Variants in HP1BP3 observed in about 807,000 individuals in gnomAD.
HP1BP3 encodes the protein heterochromatin protein 1 binding protein 3.
A neutral mutation model predicts 62.5 loss-of-function variants in HP1BP3; 12 were observed. That is an observed-to-expected ratio of 0.19 (90% CI 0.12 to 0.31). The LOEUF (loss-of-function observed/expected upper bound fraction) is 0.31, where lower values mean the gene tolerates loss of function less well. Among genes scored for constraint, HP1BP3 ranks in the 10% least tolerant of loss-of-function variants. HP1BP3 has a pLI of 1.00. For synonymous variants in HP1BP3, 260 were observed against 237.8 expected (o/e 1.09, Z -0.86); for missense variants, 502 against 651.8 (o/e 0.77, Z 2.50).
chr1:20,749,922 C>A, intron 9 of HP1BP3, 40 bp from the exon 10 acceptor site: 1 of 1,595,716 alleles, frequency 6.3e-7, no homozygotes, highest in Non-Finnish European at 8.5e-7. Flanking sequence ...CAAGACAACA[C>A]TCTCCCAAAG....
chr1:20,750,105 C>G, intron 9 of HP1BP3: 1 of 784,330 alleles, frequency 1.3e-6, no homozygotes, highest in Non-Finnish European at 1.8e-6. Flanking sequence ...CATCTACCCT[C>G]CATCCACCCT....
rs1557625493 is a variant in HP1BP3 at position 20,741,963 on chromosome 1, C to T, written c.*2834G>A. Among the ~76,000 whole-genome samples the T allele has an allele frequency of 6.6e-6, 1 of 152,206 alleles. No individual in the cohort carries two copies. Among genetic ancestry groups the T allele is most frequent in the Non-Finnish European group, 1.5e-5 (1 of 68,034 alleles). The stretch of plus-strand genomic sequence containing the variant: ...ATGTAAGTAAGGCGTATGTCTTTGA[C>T]AGTTGTGGATGTTCGTGGAAGAGTG... On this transcript the variant is annotated 3_prime_UTR_variant, in exon 13 of 13. Coordinates refer to ENST00000438032, the MANE Select transcript of HP1BP3 (RefSeq NM_001372052.1).
rs1553166483 is a variant in HP1BP3, at chr1:20,787,242, G to GCGCCGCTCCCGCCGCCGCTAGT, written c.-170_-149dup. On this transcript the variant is annotated 5_prime_UTR_variant, in exon 1 of 13. Coordinates refer to ENST00000438032, the MANE Select transcript of HP1BP3 (RefSeq NM_001372052.1). ...CGCCCGCGTCCCGCACGGCCTCTCG[G>GCGCCGCTCCCGCCGCCGCTAGT]CGCCGCTCCCGCCGCCGCTAGTCGC... The GCGCCGCTCCCGCCGCCGCTAGT allele has an allele frequency of 1.3e-5, 2 of 152,110 alleles. No individual in the cohort carries two copies. The highest frequency in any genetic ancestry group is 4.8e-5 in the African/African-American group (2 of 41,300). The allele number at this position is 152,110 out of a possible 1,614,324, so 9.4% of individuals were successfully genotyped here. A position where few individuals can be genotyped will look rare whatever the true frequency, so the allele number is the denominator to read the frequency against.
intron 3 of HP1BP3, 141 bp from the exon 4 acceptor site, chr1:20,776,891 T>C (rs1248422294): frequency 1.6e-6 from 1 of 632,136 alleles, no homozygotes; most frequent in Non-Finnish European, 2.5e-6. Flanking sequence ...GAATGACCAC[T>C]AATGCAGTTT....
At chr1:20,779,710 T>C in intron 3 of HP1BP3, 102 bp downstream of exon 3, 1 of 513,616 alleles carries the variant, frequency 1.9e-6, no homozygotes, top group Non-Finnish European at 3.2e-6. Flanking sequence ...CACTTAGCCA[T>C]GAAAAAAAAA....
rs2055200850 is a variant in HP1BP3 at position 20,744,781 on chromosome 1, T to C, written c.*16A>G. On this transcript the variant is annotated 3_prime_UTR_variant, in exon 13 of 13. Transcript: ENST00000438032. Reference sequence around the variant, plus strand: ...GATTTTGAATTTCATCATGATACCCTTTTTTCCTATAAAATTTACTTTTTC... The same window carrying C: ...GATTTTGAATTTCATCATGATACCCCTTTTTCCTATAAAATTTACTTTTTC... 2.5e-6 allele frequency: 4 copies of C among 1,582,572 alleles called. No individual in the cohort carries two copies. The highest frequency in any genetic ancestry group is 3.4e-6 in the Non-Finnish European group (4 of 1,166,462).
Position 20,779,888 on chromosome 1 carries a change from C to T in HP1BP3, c.120G>A (p.Pro40=), listed in dbSNP as rs1034248038. The change falls in exon 3 of 13, where the codon CCG becomes CCA. Residue 40 remains proline (P), a synonymous_variant. Coordinates refer to ENST00000438032, the MANE Select transcript of HP1BP3 (RefSeq NM_001372052.1). ...GGGTAGAATTCACAGTTCGACGAAT[C>T]GGCATGGTGCTATCTTCTACCTTCT... ...LGEKVEDSTM[P]IRRTVNSTRE... The T allele has an allele frequency of 1.8e-5, 29 of 1,613,096 alleles. No individual in the cohort carries two copies. Among genetic ancestry groups the T allele is most frequent in the African/African-American group, 2.7e-5 (2 of 74,856 alleles).
At chr1:20,756,069 T>C (rs1429340509) in intron 9 of HP1BP3, among the ~76,000 whole-genome samples, 4 of 152,208 alleles carry the variant, frequency 2.6e-5, no homozygotes, top group African/African-American at 4.8e-5. Flanking sequence ...TGGACTGTGA[T>C]AGTTGTACAA....
At chr1:20,770,383 G>T (rs893281400) in intron 6 of HP1BP3, among the ~76,000 whole-genome samples, 1 of 152,108 alleles carries the variant, frequency 6.6e-6, no homozygotes. Context: ...TGGTGAGATC[G>T]TAACTCACAA....
At chr1:20,772,316 C>T (rs955817228) in intron 5 of HP1BP3, among the ~76,000 whole-genome samples, 1 of 151,348 alleles carries the variant, frequency 6.6e-6, no homozygotes, top group African/African-American at 2.4e-5. Flanking sequence ...ATTCTTTAAG[C>T]CAAATTGATA....
intron 7 of HP1BP3, among the ~76,000 whole-genome samples, chr1:20,766,394 T>C (rs754718683): frequency 3.4e-4 from 52 of 152,080 alleles, no homozygotes; most frequent in Non-Finnish European, 7.2e-4. Flanking sequence ...ATAAAGTTCA[T>C]TTTGAAAGTG....
chr1:20,745,882 A>G (rs1217092848), intron 11 of HP1BP3, among the ~76,000 whole-genome samples: 1 of 152,190 alleles, frequency 6.6e-6, no homozygotes, highest in Non-Finnish European at 1.5e-5. Flanking sequence ...TATACCCACT[A>G]TTTAATAAAA....
chr1:20,752,302 T>G (rs1421515674), intron 9 of HP1BP3, among the ~76,000 whole-genome samples: 1 of 149,048 alleles, frequency 6.7e-6, no homozygotes, highest in African/African-American at 2.4e-5. Flanking sequence ...TTCACTGTCT[T>G]TTTTTTTTTG....
chr1:20,754,448 CA>C, intron 9 of HP1BP3, among the ~76,000 whole-genome samples: 1 of 150,770 alleles, frequency 6.6e-6, no homozygotes, highest in African/African-American at 2.4e-5. Context: ...CAATTCCTAC[CA>C]AAACTCCAGC....
chr1:20,784,548 G>C (rs2057729353), intron 1 of HP1BP3, among the ~76,000 whole-genome samples: 1 of 143,258 alleles, frequency 7.0e-6, no homozygotes. Flanking sequence ...GCGCGATCTC[G>C]GCTCACTGCA....
intron 9 of HP1BP3, 194 bp from the exon 10 acceptor site, chr1:20,750,076 T>A: frequency 8.9e-7 from 1 of 1,120,734 alleles, no homozygotes; most frequent in South Asian, 2.0e-5. Context: ...CCAACCCTCC[T>A]ATGGATATTT....
chr1:20,775,675 ATTATATTT>A, intron 4 of HP1BP3: 1 of 254,116 alleles, frequency 3.9e-6, no homozygotes, highest in South Asian at 1.6e-4. Flanking sequence ...TATCTTTTAT[ATTATATTT>A]TTACTGTACC....
Position 20,744,637 on chromosome 1 carries a change from T to C in HP1BP3, c.*160A>G. 1 of 662,544 alleles carries C rather than the reference T, an allele frequency of 1.5e-6. No homozygotes were observed. Among genetic ancestry groups the C allele is most frequent in the Non-Finnish European group, 2.5e-6 (1 of 398,076 alleles). The allele number at this position is 662,544 out of a possible 1,614,324, so 41.0% of individuals were successfully genotyped here. ...AGGCACCAATAAAAGCACCTAAAGC[T>C]AGCAAATGCCTAAACTGGTTTATTT... On this transcript the variant is annotated 3_prime_UTR_variant, in exon 13 of 13. Coordinates refer to ENST00000438032, the MANE Select transcript of HP1BP3 (RefSeq NM_001372052.1).
intron 8 of HP1BP3, among the ~76,000 whole-genome samples, chr1:20,762,151 G>C (rs1160634294): frequency 1.3e-5 from 2 of 152,096 alleles, no homozygotes; most frequent in Non-Finnish European, 2.9e-5. Flanking sequence ...TATATGAAAG[G>C]ACTCCATTAT....
Sources: gnomAD v4.1 joint callset for allele counts (sites outside exome capture counted in the v4.1 genomes callset) on GRCh38, gnomAD v4.1.1 for gene constraint, MANE v1.5 for transcripts, NCBI Gene and HGNC (gene_info 2026-07-23, HGNC 2026-07-21) for gene names.